Variants in BCL7A observed in about 807,000 individuals in gnomAD.
BCL7A encodes the protein BAF chromatin remodeling complex subunit BCL7A.
Under a neutral mutation model 28.4 loss-of-function variants are expected in BCL7A, and 11 were observed. The ratio of observed to expected loss-of-function variants is 0.39; its 90% confidence interval spans 0.24 to 0.64. The LOEUF is 0.64. BCL7A is among the 30% of genes least tolerant of loss of function. The pLI is 0.50. For synonymous variants in BCL7A, 123 were observed against 103.3 expected, an observed-to-expected ratio of 1.19 and a Z score of -1.15; for missense variants, 222 against 274.8, an observed-to-expected ratio of 0.81 and a Z score of 1.36.
intron 5 of BCL7A, 27 bp downstream of exon 5, chr12:122,054,953 C>G (rs374191684): frequency 3.6e-5 from 58 of 1,614,008 alleles, no homozygotes; most frequent in Non-Finnish European, 4.7e-5. Context: ...CTCAGAGGGG[C>G]AGCCAGATCG....
At chr12:122,043,353 T>A (rs1883998269) in intron 3 of BCL7A, among the ~76,000 whole-genome samples, 2 of 143,250 alleles carry the variant, frequency 1.4e-5, no homozygotes, top group Admixed American at 1.5e-4. Context: ...GTCAGGCCAG[T>A]GCCGGAATTC....
intron 3 of BCL7A, among the ~76,000 whole-genome samples, chr12:122,042,599 C>T (rs1883983592): frequency 6.7e-6 from 1 of 149,794 alleles, no homozygotes; most frequent in South Asian, 2.1e-4. Flanking sequence ...GCAGCGAGCC[C>T]AGATCGCGCC....
Position 122,049,029 on chromosome 12 carries a change from A to AT in BCL7A, c.439+4976_439+4977insT, listed in dbSNP as rs1197773177. 4.0e-3 allele frequency among the ~76,000 whole-genome samples: 274 copies of AT among 68,990 alleles called. 1 individual carries two copies. The highest frequency in any genetic ancestry group is 6.0e-3 in the South Asian group (13 of 2,174). 45.3% of individuals were successfully genotyped at this position (68,990 alleles called of 152,430 possible). ...AGAGTGAAACGTGTAAAAAAAAAAA[A>AT]AAAAAAATATATATATATATATATA... On this transcript the variant is annotated intron_variant, in intron 4 of 5. Coordinates refer to ENST00000261822, the MANE Select transcript of BCL7A (RefSeq NM_001024808.3).
chr12:122,050,061 C>T (rs1177961670), intron 4 of BCL7A, among the ~76,000 whole-genome samples: 4 of 152,220 alleles, frequency 2.6e-5, no homozygotes, highest in Admixed American at 6.5e-5. Context: ...TGCAACCTCT[C>T]TGCCTCCCGG....
chr12:122,048,662 T>A lies in BCL7A; in HGVS notation c.439+4609T>A, dbSNP rs190335952. 5.0e-3 allele frequency among the ~76,000 whole-genome samples: 765 copies of A among 151,706 alleles called. 4 individuals are homozygous for A. The highest frequency in any genetic ancestry group is 6.9e-3 in the Non-Finnish European group (469 of 67,906). On this transcript the variant is annotated intron_variant, in intron 4 of 5. Transcript: ENST00000261822. ...GCTACTTGGGAGGCTGAGGCGAAGA[T>A]CACTTGAGCCCAGGAGTTTGAGACC...
intron 1 of BCL7A, among the ~76,000 whole-genome samples, chr12:122,025,492 T>A (rs1883604854): frequency 6.6e-6 from 1 of 151,362 alleles, no homozygotes; most frequent in Non-Finnish European, 1.5e-5. Flanking sequence ...CCAGGCGTGG[T>A]GGCGGGCGCC....
intron 1 of BCL7A, among the ~76,000 whole-genome samples, chr12:122,022,911 GC>G: frequency 6.6e-6 from 1 of 152,174 alleles, no homozygotes; most frequent in South Asian, 2.1e-4. Flanking sequence ...CGGGCGGGGG[GC>G]TCGGGCCAGC....
intron 4 of BCL7A, among the ~76,000 whole-genome samples, chr12:122,052,138 A>G (rs1394361215): frequency 6.6e-6 from 1 of 151,762 alleles, no homozygotes; most frequent in Non-Finnish European, 1.5e-5. Flanking sequence ...GTCTCCCAAA[A>G]TGCTGGGATT....
chr12:122,029,488 C>T lies in BCL7A; in HGVS notation c.93-1212C>T, dbSNP rs888781819. Among the ~76,000 whole-genome samples, 6 of 152,198 alleles carry T rather than the reference C, an allele frequency of 3.9e-5. No homozygotes were observed. The highest frequency in any genetic ancestry group is 1.4e-4 in the African/African-American group (6 of 41,444). ...CCAAAAAAAGGTGCCAGGCAGCTCACGGACAGAGGTGCTCGTGCCACACAG... is the reference window on the plus strand; with the variant it reads ...CCAAAAAAAGGTGCCAGGCAGCTCATGGACAGAGGTGCTCGTGCCACACAG... On this transcript the variant is annotated intron_variant, in intron 1 of 5. Coordinates refer to ENST00000261822, the MANE Select transcript of BCL7A (RefSeq NM_001024808.3). This position sits in a 1 kb window ranked among gnomAD's most constrained non-coding sequence, Gnocchi z 4.3.
intron 1 of BCL7A, among the ~76,000 whole-genome samples, chr12:122,024,352 T>C (rs539822157): frequency 2.0e-5 from 3 of 152,330 alleles, no homozygotes; most frequent in East Asian, 3.9e-4. Flanking sequence ...TTGAGGACGA[T>C]TGAGGTCATG....
intron 3 of BCL7A, among the ~76,000 whole-genome samples, chr12:122,040,243 GT>G (rs1278294574): frequency 2.0e-5 from 3 of 152,124 alleles, no homozygotes; most frequent in Non-Finnish European, 4.4e-5. Flanking sequence ...CAGAATCCAG[GT>G]TTGTGGCTGG....
intron 2 of BCL7A, among the ~76,000 whole-genome samples, chr12:122,031,644 G>T (rs895559358): frequency 2.6e-5 from 4 of 152,208 alleles, no homozygotes; most frequent in Admixed American, 1.3e-4. Context: ...ACTCCAAAGC[G>T]CAGGTTCTCT....
intron 4 of BCL7A, among the ~76,000 whole-genome samples, chr12:122,048,477 G>A (rs754696668): frequency 1.4e-4 from 21 of 152,136 alleles, no homozygotes; most frequent in African/African-American, 5.1e-4. Context: ...CTGGCCGGGT[G>A]CAGTGGCTCA....
Position 122,021,930 on chromosome 12 carries a change from ATGTGTGTGTGTG to A in BCL7A, c.-145_-134del, listed in dbSNP as rs1054142046. On this transcript the variant is annotated 5_prime_UTR_variant, in exon 1 of 6. It introduces an in-frame stop codon into an upstream open reading frame of the 5' UTR. Transcript: ENST00000261822. ...GGCCCCGGGCTTTGTGTGTGTGTGT[ATGTGTGTGTGTG>A]TGTGTGTGTGTGTGTGAGTGTGTGC... 1.8e-5 allele frequency: 7 copies of A among 388,186 alleles called. No homozygotes were observed. The Admixed American group carries it at 2.5e-4, about 14-fold the overall frequency. 24.0% of individuals were successfully genotyped at this position (388,186 alleles called of 1,614,324 possible).
chr12:122,030,547 G>A (rs565308650), intron 1 of BCL7A, among the ~76,000 whole-genome samples, 153 bp from the exon 2 acceptor site: 1 of 152,332 alleles, frequency 6.6e-6, no homozygotes, highest in East Asian at 1.9e-4. Context: ...GGGTGATGTG[G>A]CCTGCCCAGG....
chr12:122,054,494 G>T (rs889390160), intron 4 of BCL7A, among the ~76,000 whole-genome samples: 3 of 152,198 alleles, frequency 2.0e-5, no homozygotes, highest in Non-Finnish European at 4.4e-5. Flanking sequence ...CACTGCGGCC[G>T]CCAGGGGGTG....
chr12:122,053,288 GC>G (rs980988034), intron 4 of BCL7A, among the ~76,000 whole-genome samples: 1 of 152,188 alleles, frequency 6.6e-6, no homozygotes, highest in Non-Finnish European at 1.5e-5. Flanking sequence ...GAGCCGCCGC[GC>G]CCGGCCAGGG....
chr12:122,056,902 A>G (rs2135862106), intron 5 of BCL7A, among the ~76,000 whole-genome samples: 1 of 152,320 alleles, frequency 6.6e-6, no homozygotes, highest in Non-Finnish European at 1.5e-5. Context: ...GAAGGGGCTC[A>G]TGTCACTGTC....
intron 4 of BCL7A, among the ~76,000 whole-genome samples, chr12:122,048,233 C>T (rs565293926): frequency 7.2e-4 from 109 of 151,322 alleles, no homozygotes; most frequent in Middle Eastern, 3.4e-3. Context: ...TTTAAGAAAA[C>T]TGGGAAAGTA....
Sources: allele counts gnomAD v4.1 joint callset (sites outside exome capture counted in the v4.1 genomes callset), GRCh38; gene constraint gnomAD v4.1.1; non-coding constraint Gnocchi (gnomAD v3.1); transcripts MANE v1.5; gene names NCBI Gene and HGNC (gene_info 2026-07-23, HGNC 2026-07-21).